Variants in FASTKD1 observed in about 807,000 individuals in gnomAD.
FASTKD1 encodes the protein FAST kinase domain-containing protein 1, mitochondrial.
FASTKD1 carries 94 observed loss-of-function variants against 90.9 expected under a neutral mutation model. The observed-to-expected ratio is 1.03, with a 90% CI of 0.88 to 1.23. FASTKD1 has a LOEUF of 1.23. Ranked by LOEUF, FASTKD1 falls within the 50% of genes most tolerant of loss-of-function variation. The pLI is 0.00. For synonymous variants in FASTKD1, 319 were observed against 345.8 expected (o/e 0.92, Z 0.86); for missense variants, 945 against 993.5 (o/e 0.95, Z 0.66).
At position 169,544,445 on chromosome 2, in the gene FASTKD1, C is replaced by T. The variant is rs115638975; in HGVS notation, c.1816+276G>A. Among the ~76,000 whole-genome samples, 97 of 152,126 alleles carry T rather than the reference C, an allele frequency of 6.4e-4. 1 individual carries two copies. Among genetic ancestry groups the T allele is most frequent in the African/African-American group, 2.2e-3 (93 of 41,492 alleles). ...AATTAGCCGGGTGTGGTGGCACATG[C>T]TTATAGTCCAAGCTACTGGGGTGAC... On this transcript the variant is annotated intron_variant, in intron 9 of 14. Transcript: ENST00000453153.
chr2:169,563,891 A>G (rs1339168367), intron 3 of FASTKD1, among the ~76,000 whole-genome samples: 3 of 152,234 alleles, frequency 2.0e-5, no homozygotes, highest in Non-Finnish European at 4.4e-5. Context: ...TTATGGAATC[A>G]TACAACATAA....
intron 6 of FASTKD1, among the ~76,000 whole-genome samples, chr2:169,556,837 A>AAACG: frequency 6.6e-6 from 1 of 151,302 alleles, no homozygotes; most frequent in South Asian, 2.1e-4. Context: ...AAAAACAAAC[A>AAACG]AACAAACAAA....
At position 169,531,311 on chromosome 2, in the gene FASTKD1, A is replaced by C. The variant is rs774541726; in HGVS notation, c.2327+41T>G. On this transcript the variant is annotated intron_variant, in intron 13 of 14. Transcript: ENST00000453153. ...TTCAGTATAGTACACCAAATTTAACATTTAGATATTAATACAATCTAAAAC... is the reference window on the plus strand; with the variant it reads ...TTCAGTATAGTACACCAAATTTAACCTTTAGATATTAATACAATCTAAAAC... 9.4e-6 allele frequency: 15 copies of C among 1,588,052 alleles called. No homozygotes were observed. The South Asian group carries it at 1.7e-4, about 18-fold the overall frequency.
rs1683622761 is a variant in FASTKD1, at chr2:169,561,748, A to ATACATTATTTATTAATTTATTG, written c.573-964_573-963insCAATAAATTAATAAATAATGTA. On this transcript the variant is annotated intron_variant, in intron 4 of 14. Transcript: ENST00000453153. Reference sequence around the variant, plus strand: ...ATCTATTATAAATTAATTATTCATTATAAATTATTTATTAATTTATTGTAA... The same window carrying ATACATTATTTATTAATTTATTG: ...ATCTATTATAAATTAATTATTCATTATACATTATTTATTAATTTATTGTAAATTATTTATTAATTTATTGTAA... Among the ~76,000 whole-genome samples, 37 of 74,296 alleles carry ATACATTATTTATTAATTTATTG rather than the reference A, an allele frequency of 5.0e-4. 1 individual carries two copies. Among genetic ancestry groups the ATACATTATTTATTAATTTATTG allele is most frequent in the Non-Finnish European group, 9.5e-4 (31 of 32,590 alleles). 48.7% of individuals were successfully genotyped at this position (74,296 alleles called of 152,430 possible).
chr2:169,546,329 A>T lies in FASTKD1; in HGVS notation c.1590T>A (p.Asp530Glu), dbSNP rs138419527. ...TCTCCCCAACATTTATGTAATTAATATCATCCATGAAATGCTGTAAAGTAG... is the reference window on the plus strand; with the variant it reads ...TCTCCCCAACATTTATGTAATTAATTTCATCCATGAAATGCTGTAAAGTAG... ...MIATLQHFMD[D>E]INYINVGEIA... Residue 530 changes from aspartate (D) to glutamate (E), a missense_variant, in exon 8 of 15, where the codon GAT becomes GAA. Transcript: ENST00000453153. 52 of 1,613,988 alleles carry T rather than the reference A, an allele frequency of 3.2e-5. No homozygotes were observed. The African/African-American group carries it at 5.7e-4, about 18-fold the overall frequency.
intron 3 of FASTKD1, among the ~76,000 whole-genome samples, chr2:169,567,938 G>C (rs2105437661): frequency 6.6e-6 from 1 of 152,140 alleles, no homozygotes; most frequent in Admixed American, 6.5e-5. Flanking sequence ...TTCCCAAAAT[G>C]AGTCTGCTAT....
chr2:169,560,647 A>T lies in FASTKD1; in HGVS notation c.711T>A (p.Phe237Leu), dbSNP rs1195962171. The change falls in exon 5 of 15, where the codon TTT becomes TTA. Residue 237 changes from phenylalanine (F) to leucine (L), a missense_variant. By Grantham distance (22) the Phe-to-Leu change is conservative. Coordinates refer to ENST00000453153, the MANE Select transcript of FASTKD1 (RefSeq NM_024622.6). Reference sequence around the variant, plus strand: ...GATAACGATATCTAACATTTCGAAGAAACTTTGCTATGCTTTTTGCAACGT... The same window carrying T: ...GATAACGATATCTAACATTTCGAAGTAACTTTGCTATGCTTTTTGCAACGT... The part of the protein sequence containing the change: ...EVNVAKSIAK[F>L]LRNVRYRYQP... The T allele has an allele frequency of 6.2e-7, 1 of 1,613,148 alleles. No homozygotes were observed. The highest frequency in any genetic ancestry group is 1.3e-5 in the African/African-American group (1 of 74,986).
chr2:169,538,830 T>C (rs1684844772), intron 10 of FASTKD1, among the ~76,000 whole-genome samples: 1 of 152,122 alleles, frequency 6.6e-6, no homozygotes, highest in South Asian at 2.1e-4. Context: ...AATTTTATTA[T>C]ATCCATGTAA....
chr2:169,538,008 C>A lies in FASTKD1; in HGVS notation c.2074+5G>T. On this transcript the variant is annotated splice_donor_5th_base_variant and intron_variant, in intron 11 of 14. Coordinates refer to ENST00000453153, the MANE Select transcript of FASTKD1 (RefSeq NM_024622.6). Reference sequence around the variant, plus strand: ...TTTGCTATCTGACTAAAAGAAAACTCAAACCTTTATTATATTGTTGACAGA... The same window carrying A: ...TTTGCTATCTGACTAAAAGAAAACTAAAACCTTTATTATATTGTTGACAGA... 6.3e-7 allele frequency: 1 copy of A among 1,587,418 alleles called. No homozygotes were observed. Among genetic ancestry groups the A allele is most frequent in the East Asian group, 2.2e-5 (1 of 44,480 alleles).
intron 13 of FASTKD1, 51 bp from the exon 14 acceptor site, chr2:169,530,752 A>G: frequency 1.0e-6 from 1 of 970,478 alleles, no homozygotes; most frequent in Non-Finnish European, 1.6e-6. Context: ...AAGAAACTGA[A>G]TAATTACAAG....
At chr2:169,564,365 A>G (rs1683855873) in intron 3 of FASTKD1, among the ~76,000 whole-genome samples, 1 of 152,098 alleles carries the variant, frequency 6.6e-6, no homozygotes, top group African/African-American at 2.4e-5. Flanking sequence ...TGTGTTGCCC[A>G]GGCTGAACTT....
At chr2:169,557,334 C>G (rs777761081) in intron 5 of FASTKD1, 37 bp from the exon 6 acceptor site, 1 of 1,231,046 alleles carries the variant, frequency 8.1e-7, no homozygotes, top group Non-Finnish European at 1.1e-6. Context: ...GGTTGAAAGA[C>G]TGAAAATTAG....
chr2:169,557,359 T>A (rs1177196323), intron 5 of FASTKD1, 62 bp from the exon 6 acceptor site: 6 of 835,490 alleles, frequency 7.2e-6, no homozygotes, highest in South Asian at 4.6e-5. Flanking sequence ...CAATTTTTTT[T>A]AAATAACAGT....
At chr2:169,536,143 G>A (rs1333987918) in intron 12 of FASTKD1, among the ~76,000 whole-genome samples, 1 of 151,988 alleles carries the variant, frequency 6.6e-6, no homozygotes, top group Non-Finnish European at 1.5e-5. Flanking sequence ...AATTCATTGA[G>A]CACTTACTAT....
chr2:169,535,564 A>T (rs968357119), intron 12 of FASTKD1, among the ~76,000 whole-genome samples: 4 of 152,122 alleles, frequency 2.6e-5, no homozygotes, highest in African/African-American at 9.7e-5. Context: ...TCAGCCTCCC[A>T]AAGTGCTGAG....
chr2:169,554,557 G>A (rs555631270), intron 7 of FASTKD1, among the ~76,000 whole-genome samples: 3 of 115,518 alleles, frequency 2.6e-5, no homozygotes, highest in East Asian at 2.0e-4. Flanking sequence ...CCAGCTACTC[G>A]GGAGGCTGAG....
At chr2:169,553,644 G>A (rs1351209359) in intron 7 of FASTKD1, among the ~76,000 whole-genome samples, 2 of 152,132 alleles carry the variant, frequency 1.3e-5, no homozygotes, top group Non-Finnish European at 2.9e-5. Flanking sequence ...CAGGCCGGGC[G>A]CAGTGGCTCA....
chr2:169,572,061 C>G lies in FASTKD1; in HGVS notation c.-32G>C. 6.5e-7 allele frequency: 1 copy of G among 1,536,968 alleles called. No homozygotes were observed. The highest frequency in any genetic ancestry group is 1.3e-5 in the South Asian group (1 of 77,982). On this transcript the variant is annotated 5_prime_UTR_variant, in exon 2 of 15. Coordinates refer to ENST00000453153, the MANE Select transcript of FASTKD1 (RefSeq NM_024622.6). ...CACAAGTTTTCTTAGGTAAACAAAA[C>G]CATCTGCAACTAGTCGTCAGGTGCA...
At chr2:169,553,229 T>A (rs377309911) in intron 7 of FASTKD1, among the ~76,000 whole-genome samples, 1 of 27,072 alleles carries the variant, frequency 3.7e-5, no homozygotes. Flanking sequence ...AAAATAAAAA[T>A]AAATAAAAAC....
Sources: gnomAD v4.1 joint callset for allele counts (sites outside exome capture counted in the v4.1 genomes callset) on GRCh38, gnomAD v4.1.1 for gene constraint, MANE v1.5 for transcripts, NCBI Gene and HGNC (gene_info 2026-07-23, HGNC 2026-07-21) for gene names.